Variants in KCNH6 observed in about 807,000 individuals in gnomAD.
KCNH6 encodes the protein potassium voltage-gated channel subfamily H member 6, also known as voltage-gated inwardly rectifying potassium channel KCNH6.
Under a neutral mutation model 83.4 loss-of-function variants are expected in KCNH6, and 81 were observed. The ratio of observed to expected loss-of-function variants is 0.97; its 90% confidence interval spans 0.81 to 1.17. The LOEUF (loss-of-function observed/expected upper bound fraction) is 1.17. Ranked by LOEUF, KCNH6 falls within the 50% of genes most tolerant of loss-of-function variation. The pLI is 0.00. For missense variants in KCNH6, 1,203 were observed against 1,290.5 expected, an observed-to-expected ratio of 0.93 and a Z score of 1.04; for synonymous variants, 503 against 545.6, an observed-to-expected ratio of 0.92 and a Z score of 1.09.
Position 63,523,452 on chromosome 17 carries a change from T to C in KCNH6, c.39T>C (p.Thr13=). Residue 13 remains threonine (T), a synonymous_variant, in exon 1 of 13, where the codon ACT becomes ACC. Coordinates refer to ENST00000314672, the MANE Select transcript of KCNH6 (RefSeq NM_001278919.2). This position sits in a 1 kb window ranked among gnomAD's most constrained non-coding sequence, Gnocchi z 4.2. The stretch of plus-strand genomic sequence containing the variant: ...GGGGCCACGTCGCTCCCCAAAACAC[T>C]TACCTGGACACCATCATCCGCAAGT... ...VRRGHVAPQN[T]YLDTIIRKFE... The C allele has an allele frequency of 6.2e-7, 1 of 1,606,418 alleles. No homozygotes were observed. The highest frequency in any genetic ancestry group is 8.5e-7 in the Non-Finnish European group (1 of 1,176,572).
chr17:63,544,532 C>T (rs1467273701), intron 11 of KCNH6, 121 bp downstream of exon 11: 2 of 787,882 alleles, frequency 2.5e-6, no homozygotes, highest in Non-Finnish European at 1.8e-6. Context: ...TGCAGGTCTC[C>T]CCATACCTGT....
In KCNH6 at chr17:63,530,167, C is replaced by G; in HGVS notation, c.384C>G (p.Asn128Lys). 6.2e-7 allele frequency: 1 copy of G among 1,614,208 alleles called. No homozygotes were observed. The highest frequency in any genetic ancestry group is 8.5e-7 in the Non-Finnish European group (1 of 1,180,048). The change falls in exon 3 of 13, where the codon AAC becomes AAG. Residue 128 changes from asparagine (N) to lysine (K), a missense_variant. Physicochemically the swap from Asn to Lys is moderately conservative, Grantham distance 94. Transcript: ENST00000314672. ...EDGAVIMFIL[N>K]FEDLAQLLAK... is the part of the protein sequence containing the mutation. ...GGGCTGTCATCATGTTCATTCTCAA[C>G]TTCGAGGACCTGGCCCAGCTCCTGG...
Position 63,530,223 on chromosome 17 carries a change from G to T in KCNH6, c.440G>T (p.Arg147Leu), listed in dbSNP as rs140150959. Residue 147 changes from arginine to leucine, a missense_variant, in exon 3 of 13, where the codon CGC becomes CTC. Coordinates refer to ENST00000314672, the MANE Select transcript of KCNH6 (RefSeq NM_001278919.2). ...TGCAGCAGCCGCAGCTTGTCCCAGC[G>T]CCTGTTGTCCCAGAGCTTCCTGGGC... ...AKCSSRSLSQ[R>L]LLSQSFLGSE... 4.3e-6 allele frequency: 7 copies of T among 1,614,150 alleles called. No homozygotes were observed. Among genetic ancestry groups the T allele is most frequent in the Non-Finnish European group, 5.9e-6 (7 of 1,179,984 alleles).
At chr17:63,531,968 T>A (rs2032146590) in intron 4 of KCNH6, among the ~76,000 whole-genome samples, 1 of 152,118 alleles carries the variant, frequency 6.6e-6, no homozygotes, top group Non-Finnish European at 1.5e-5. Flanking sequence ...GGAAGTCACA[T>A]CGGCCTCAAC....
chr17:63,533,935 C>G lies in KCNH6; in HGVS notation c.725C>G (p.Pro242Arg). ...DVLPEYKLQAPRIHRWTILHY... is the reference protein window; with the variant it reads ...DVLPEYKLQARRIHRWTILHY... ...CTGCCGGAGTACAAGCTGCAGGCGCCGCGCATCCACCGCTGGACCATCCTG... is the reference window on the plus strand; with the variant it reads ...CTGCCGGAGTACAAGCTGCAGGCGCGGCGCATCCACCGCTGGACCATCCTG... The change falls in exon 5 of 13, where the codon CCG (proline) becomes CGG (arginine). Residue 242 changes from proline to arginine, a missense_variant. Pro to Arg is a moderately radical substitution (Grantham distance 103). Coordinates refer to ENST00000314672, the MANE Select transcript of KCNH6 (RefSeq NM_001278919.2). The surrounding 1 kb of genome is among the most constrained non-coding windows in gnomAD (Gnocchi z 4.1). 3.1e-6 allele frequency: 5 copies of G among 1,614,034 alleles called. No homozygotes were observed. The highest frequency in any genetic ancestry group is 4.2e-6 in the Non-Finnish European group (5 of 1,179,972).
intron 11 of KCNH6, among the ~76,000 whole-genome samples, 154 bp from the exon 12 acceptor site, chr17:63,544,924 C>T (rs957655195): frequency 2.7e-4 from 41 of 152,064 alleles, no homozygotes; most frequent in Admixed American, 1.6e-3. Context: ...GATTCTGGGC[C>T]GGGGCTGTGG....
chr17:63,523,517 G>A lies in KCNH6; in HGVS notation c.76+28G>A, dbSNP rs1454005750. On this transcript the variant is annotated intron_variant, in intron 1 of 12. Transcript: ENST00000314672. The surrounding 1 kb of genome is among the most constrained non-coding windows in gnomAD (Gnocchi z 4.2). ...GAGTGTGTGTATGTTGGGGCGGGGG[G>A]ACGATCTGGAGTCCTGGTTCCGTGA... 6.3e-7 allele frequency: 1 copy of A among 1,583,442 alleles called. No homozygotes were observed.
intron 3 of KCNH6, 38 bp from the exon 4 acceptor site, chr17:63,530,299 C>A: frequency 1.2e-6 from 2 of 1,613,890 alleles, no homozygotes; most frequent in Non-Finnish European, 1.7e-6. Flanking sequence ...TGAGGGTCCC[C>A]TGGCCGTGGC....
chr17:63,531,218 G>T (rs1447793716), intron 4 of KCNH6, among the ~76,000 whole-genome samples: 1 of 152,260 alleles, frequency 6.6e-6, no homozygotes, highest in African/African-American at 2.4e-5. Context: ...CCATTCCAGA[G>T]GGAAATGCGA....
At chr17:63,531,226 C>T (rs113639915) in intron 4 of KCNH6, among the ~76,000 whole-genome samples, 2,863 of 152,350 alleles carry the variant, frequency 0.019, 45 homozygotes, top group Non-Finnish European at 0.028. Flanking sequence ...GAGGGAAATG[C>T]GAGGAGCCCT....
chr17:63,530,594 C>T (rs1191820408), intron 4 of KCNH6, 52 bp downstream of exon 4: 1 of 1,548,504 alleles, frequency 6.5e-7, no homozygotes, highest in South Asian at 1.1e-5. Flanking sequence ...CTCCAGGGTC[C>T]CCTCCCAGGC....
chr17:63,545,307 T>G (rs777335152), intron 12 of KCNH6, 43 bp downstream of exon 12: 10 of 1,593,796 alleles, frequency 6.3e-6, no homozygotes, highest in Non-Finnish European at 8.6e-6. Context: ...TGCGAGCAGC[T>G]GCATGCCTTC....
At chr17:63,539,381 C>G (rs1165635057) in intron 8 of KCNH6, among the ~76,000 whole-genome samples, 1 of 152,192 alleles carries the variant, frequency 6.6e-6, no homozygotes, top group African/African-American at 2.4e-5. Flanking sequence ...CTCGCCCCTC[C>G]TCACCTGACA....
chr17:63,537,755 G>A (rs2032589781), intron 6 of KCNH6, among the ~76,000 whole-genome samples: 1 of 152,134 alleles, frequency 6.6e-6, no homozygotes, highest in Non-Finnish European at 1.5e-5. Context: ...TATCTTTATT[G>A]TATTTTTACA....
chr17:63,539,597 C>T lies in KCNH6; in HGVS notation c.1954+935C>T, dbSNP rs570087118. 3.9e-5 allele frequency among the ~76,000 whole-genome samples: 6 copies of T among 152,368 alleles called. No homozygotes were observed. In the East Asian group the frequency reaches 5.8e-4, roughly 15 times the overall value. On this transcript the variant is annotated intron_variant, in intron 8 of 12. Coordinates refer to ENST00000314672, the MANE Select transcript of KCNH6 (RefSeq NM_001278919.2). ...TCAAAACCAGCTGCTTCAGCATCCC[C>T]ATCACTGTGAAGCATCTGCCTATTG...
At position 63,535,097 on chromosome 17, in the gene KCNH6, C is replaced by G. The variant is rs1330458620; in HGVS notation, c.1102-572C>G. Reference sequence around the variant, plus strand: ...TCCACCCTCTGGGGTGTACAGGGTCCTCAGAATTTTCAGTGGCTTCCCAAG... The same window carrying G: ...TCCACCCTCTGGGGTGTACAGGGTCGTCAGAATTTTCAGTGGCTTCCCAAG... On this transcript the variant is annotated intron_variant, in intron 5 of 12. Transcript: ENST00000314672. This position sits in a 1 kb window ranked among gnomAD's most constrained non-coding sequence, Gnocchi z 4.9. Among the ~76,000 whole-genome samples the G allele has an allele frequency of 6.6e-6, 1 of 152,172 alleles. No individual in the cohort carries two copies. The highest frequency in any genetic ancestry group is 1.5e-5 in the Non-Finnish European group (1 of 68,038).
intron 8 of KCNH6, among the ~76,000 whole-genome samples, chr17:63,540,474 TATTAATA>T (rs1195193932): frequency 6.6e-6 from 1 of 152,094 alleles, no homozygotes; most frequent in Non-Finnish European, 1.5e-5. Flanking sequence ...TGATTATTAT[TATTAATA>T]ATTAAGAAGT....
chr17:63,547,863 C>A (rs1345129942), downstream of KCNH6, among the ~76,000 whole-genome samples: 1 of 151,604 alleles, frequency 6.6e-6, no homozygotes, highest in East Asian at 1.9e-4. Context: ...TGCTGGGAGG[C>A]TTGGGTGGGA....
Position 63,538,488 on chromosome 17 carries a change from G to A in KCNH6, c.1780G>A (p.Ala594Thr), listed in dbSNP as rs755795219. 4 of 1,602,878 alleles carry A rather than the reference G, an allele frequency of 2.5e-6. No homozygotes were observed. Among genetic ancestry groups the A allele is most frequent in the Non-Finnish European group, 3.4e-6 (4 of 1,175,416 alleles). ...LHRALLQHCP[A>T]FSGAGKGCLR... is the part of the protein sequence containing the mutation. ...CCGCGCACTGCTGCAGCACTGCCCA[G>A]CTTTCAGCGGCGCCGGCAAGGGCTG... The change falls in exon 8 of 13, where the codon GCT becomes ACT. Residue 594 changes from alanine to threonine, a missense_variant. Transcript: ENST00000314672. The surrounding 1 kb of genome is among the most constrained non-coding windows in gnomAD (Gnocchi z 4.0).
Sources: allele counts gnomAD v4.1 joint callset (sites outside exome capture counted in the v4.1 genomes callset), GRCh38; gene constraint gnomAD v4.1.1; non-coding constraint Gnocchi (gnomAD v3.1); transcripts MANE v1.5; gene names NCBI Gene and HGNC (gene_info 2026-07-23, HGNC 2026-07-21).